The following TNKS1BP1 variants were observed in gnomAD, a reference collection of about 807,000 sequenced individuals.
TNKS1BP1 encodes the protein CCR4-NOT transcription complex subunit 12.
In TNKS1BP1, 48 loss-of-function variants were observed where a neutral mutation model predicts 141.1. The ratio of observed to expected loss-of-function variants is 0.34; its 90% CI spans 0.27 to 0.43. The LOEUF is 0.43. TNKS1BP1 is among the 20% of genes least tolerant of loss of function. The pLI, the probability that TNKS1BP1 is intolerant of heterozygous loss-of-function variation, is 1.00. For synonymous variants in TNKS1BP1, 875 were observed against 898.2 expected (o/e 0.97, Z 0.46); for missense variants, 2,149 against 2,226.0 (o/e 0.97, Z 0.70).
chr11:57,317,836 G>A lies in TNKS1BP1; in HGVS notation c.780C>T (p.Ser260=), dbSNP rs777460189. 1 of 1,613,978 alleles carries A rather than the reference G, an allele frequency of 6.2e-7. No homozygotes were observed. The highest frequency in any genetic ancestry group is 8.5e-7 in the Non-Finnish European group (1 of 1,179,868). The change falls in exon 4 of 12, where the codon AGC becomes AGT. Residue 260 remains serine, a synonymous_variant. Coordinates refer to ENST00000358252, the MANE Select transcript of TNKS1BP1 (RefSeq NM_033396.3). Reference sequence around the variant, plus strand: ...AACTCACATCAGCAGGTAGCTCCGAGCTGGCTGCCTTAGCCAGGTCCCCGT... The same window carrying A: ...AACTCACATCAGCAGGTAGCTCCGAACTGGCTGCCTTAGCCAGGTCCCCGT... ...AFNGDLAKAA[S]SELPADISKP... is the part of the protein sequence containing the mutation.
chr11:57,321,744 T>TGGGGC, intron 2 of TNKS1BP1, 48 bp downstream of exon 2: 4 of 1,039,816 alleles, frequency 3.8e-6, no homozygotes, highest in Non-Finnish European at 5.9e-6. Context: ...CCTCTGTCCT[T>TGGGGC]CCCACCCCCC....
intron 4 of TNKS1BP1, among the ~76,000 whole-genome samples, chr11:57,315,692 C>T (rs1855788259): frequency 6.6e-6 from 1 of 151,386 alleles, no homozygotes; most frequent in Non-Finnish European, 1.5e-5. Context: ...CAGCTGATGG[C>T]CTTGCTTCCT....
intron 4 of TNKS1BP1, among the ~76,000 whole-genome samples, chr11:57,316,497 A>G (rs1316824763): frequency 6.6e-6 from 1 of 150,832 alleles, no homozygotes; most frequent in Non-Finnish European, 1.5e-5. Flanking sequence ...CACAAAGCAA[A>G]CTCCTCCCAT....
chr11:57,318,649 G>A (rs1228860977), intron 3 of TNKS1BP1, among the ~76,000 whole-genome samples: 2 of 152,220 alleles, frequency 1.3e-5, no homozygotes, highest in African/African-American at 4.8e-5. Context: ...GGCTCTCCCA[G>A]CACTAAGGAC....
chr11:57,313,239 C>A lies in TNKS1BP1; in HGVS notation c.1449G>T (p.Arg483Ser), dbSNP rs964269142. ...GCCGCCACACGCCCAGACCCGAGGG[C>A]CTCGTGGGGAAGGTCCATTCGAAGG... ...SQSFEWTFPT[R>S]PSGLGVWRLD... is the part of the protein sequence containing the mutation. Residue 483 changes from arginine (R) to serine (S), a missense_variant, in exon 5 of 12, where the codon AGG (arginine) becomes AGT (serine). Physicochemically the swap from Arg to Ser is moderately radical, Grantham distance 110. Transcript: ENST00000358252. 5.0e-6 allele frequency: 8 copies of A among 1,612,712 alleles called. No individual in the cohort carries two copies. Among genetic ancestry groups the A allele is most frequent in the African/African-American group, 1.3e-5 (1 of 74,926 alleles).
chr11:57,316,214 T>C (rs943499326), intron 4 of TNKS1BP1, among the ~76,000 whole-genome samples: 3 of 152,194 alleles, frequency 2.0e-5, no homozygotes, highest in Non-Finnish European at 4.4e-5. Flanking sequence ...TGACAGCTGA[T>C]GGCGCCCTCC....
intron 3 of TNKS1BP1, 101 bp from the exon 4 acceptor site, chr11:57,317,988 A>G (rs1855823742): frequency 9.0e-7 from 1 of 1,115,338 alleles, no homozygotes; most frequent in Non-Finnish European, 1.3e-6. Context: ...AACAGCACCC[A>G]AAGGTTAAAC....
intron 10 of TNKS1BP1, 135 bp downstream of exon 10, chr11:57,300,749 T>C (rs376063606): frequency 2.0e-6 from 3 of 1,494,988 alleles, no homozygotes; most frequent in East Asian, 2.3e-5. Context: ...ACCATCTTCA[T>C]ACCGTTCATC....
intron 4 of TNKS1BP1, among the ~76,000 whole-genome samples, chr11:57,316,514 C>T (rs550969549): frequency 3.9e-5 from 6 of 152,202 alleles, no homozygotes; most frequent in Non-Finnish European, 7.3e-5. Context: ...CCATCTCCCC[C>T]GATCCTGCTT....
At chr11:57,321,744 T>TGCCTC in intron 2 of TNKS1BP1, 48 bp downstream of exon 2, 1 of 1,039,822 alleles carries the variant, frequency 9.6e-7, no homozygotes, top group Non-Finnish European at 1.5e-6. Flanking sequence ...CCTCTGTCCT[T>TGCCTC]CCCACCCCCC....
chr11:57,312,809 G>T lies in TNKS1BP1; in HGVS notation c.1879C>A (p.Pro627Thr), dbSNP rs1029904671. ...GCAAAGAGAACACAGGGCTGGTCAGGGGCTGCTGGCTGCTCCTGCCCCAGG... is the reference window on the plus strand; with the variant it reads ...GCAAAGAGAACACAGGGCTGGTCAGTGGCTGCTGGCTGCTCCTGCCCCAGG... ...PVLGQEQPAA[P>T]DQPCVLFADA... The change falls in exon 5 of 12, where the codon CCT (proline) becomes ACT (threonine). Residue 627 changes from proline to threonine, a missense_variant. By Grantham distance (38) the Pro-to-Thr change is conservative. Coordinates refer to ENST00000358252, the MANE Select transcript of TNKS1BP1 (RefSeq NM_033396.3). The T allele has an allele frequency of 6.2e-7, 1 of 1,612,158 alleles. No homozygotes were observed. Among genetic ancestry groups the T allele is most frequent in the East Asian group, 2.2e-5 (1 of 44,854 alleles).
In TNKS1BP1 at chr11:57,309,791, C is replaced by A; in HGVS notation, c.2920G>T (p.Asp974Tyr). ...AGGGGTCTCGTTCCAAAGCTTCTGTCCTGGGCGTCAAGGGTCCTGGAGCTG... is the reference window on the plus strand; with the variant it reads ...AGGGGTCTCGTTCCAAAGCTTCTGTACTGGGCGTCAAGGGTCCTGGAGCTG... ...GGSSRTLDAQ[D>Y]RSFGTRPLSS... The change falls in exon 6 of 12, where the codon GAC (aspartate) becomes TAC (tyrosine). Residue 974 changes from aspartate to tyrosine, a missense_variant. Asp to Tyr is a radical substitution (Grantham distance 160, BLOSUM62 -3). Coordinates refer to ENST00000358252, the MANE Select transcript of TNKS1BP1 (RefSeq NM_033396.3). This position sits in a 1 kb window ranked among gnomAD's most constrained non-coding sequence, Gnocchi z 4.3. 1.9e-6 allele frequency: 3 copies of A among 1,614,192 alleles called. No homozygotes were observed. The highest frequency in any genetic ancestry group is 2.5e-6 in the Non-Finnish European group (3 of 1,180,034).
chr11:57,320,168 G>T lies in TNKS1BP1; in HGVS notation c.639C>A (p.Gly213=). The T allele has an allele frequency of 6.2e-7, 1 of 1,614,156 alleles. No individual in the cohort carries two copies. Among genetic ancestry groups the T allele is most frequent in the Non-Finnish European group, 8.5e-7 (1 of 1,180,030 alleles). ...GTTTAPRDED[G]STLFRGWSQE... is the part of the protein sequence containing the mutation. ...GGGACCATCCCCTGAAGAGGGTGCT[G>T]CCATCCTCATCCCTGGGAGCAGTGG... Residue 213 remains glycine (G), a synonymous_variant, in exon 3 of 12, where the codon GGC becomes GGA. Transcript: ENST00000358252.
Position 57,317,834 on chromosome 11 carries a change from GAGCTGGCTGCCTT to G in TNKS1BP1, c.769_781del (p.Lys257ArgfsTer74). On this transcript the variant is annotated frameshift_variant, in exon 4 of 12. Coordinates refer to ENST00000358252, the MANE Select transcript of TNKS1BP1 (RefSeq NM_033396.3). LOFTEE classifies it high-confidence loss of function. ...ATAACTCACATCAGCAGGTAGCTCC[GAGCTGGCTGCCTT>G]AGCCAGGTCCCCGTTGAAGGCCAGG... is the stretch of plus-strand genomic sequence containing the variant. 6.2e-7 allele frequency: 1 copy of G among 1,613,900 alleles called. No homozygotes were observed. The highest frequency in any genetic ancestry group is 8.5e-7 in the Non-Finnish European group (1 of 1,179,852).
At chr11:57,312,147 G>C (rs1334407260) in intron 5 of TNKS1BP1, among the ~76,000 whole-genome samples, 2 of 152,138 alleles carry the variant, frequency 1.3e-5, no homozygotes, top group African/African-American at 4.8e-5. Flanking sequence ...ATTTTGCCTT[G>C]AACGATATTC....
chr11:57,324,516 A>G (rs12800023), intron 1 of TNKS1BP1, among the ~76,000 whole-genome samples: 137,614 of 142,010 alleles, frequency 0.97, 66,859 homozygotes, highest in East Asian at 1. Flanking sequence ...CGCGGCCCGG[A>G]GGAAGGGGAG....
At chr11:57,303,932 A>T (rs986281317) in intron 6 of TNKS1BP1, among the ~76,000 whole-genome samples, 5 of 151,786 alleles carry the variant, frequency 3.3e-5, no homozygotes, top group African/African-American at 7.3e-5. Flanking sequence ...TCTCTCACTA[A>T]CTCATACTGC....
intron 4 of TNKS1BP1, among the ~76,000 whole-genome samples, chr11:57,316,139 G>A (rs1000966195): frequency 1.3e-5 from 2 of 152,064 alleles, no homozygotes; most frequent in Non-Finnish European, 2.9e-5. Flanking sequence ...TCAAGGTCAC[G>A]GATGACCTCC....
rs770773476 is a variant in TNKS1BP1 at position 57,317,883 on chromosome 11, G to A, written c.733C>T (p.Leu245Phe). The change falls in exon 4 of 12, where the codon CTT becomes TTT. Residue 245 changes from leucine (L) to phenylalanine (F), a missense_variant. Physicochemically the swap from Leu to Phe is conservative, Grantham distance 22 (BLOSUM62 0). Coordinates refer to ENST00000358252, the MANE Select transcript of TNKS1BP1 (RefSeq NM_033396.3). ...CCGTTGAAGGCCAGGTCGGAAGGAAGGCTCCTGTGAGGGACGAGGACAGGA... is the reference window on the plus strand; with the variant it reads ...CCGTTGAAGGCCAGGTCGGAAGGAAAGCTCCTGTGAGGGACGAGGACAGGA... ...EHSKTPEERS[L>F]PSDLAFNGDL... 4.3e-6 allele frequency: 7 copies of A among 1,613,840 alleles called. No homozygotes were observed. In the East Asian group the frequency reaches 1.6e-4, roughly 36 times the overall value.
Sources: gnomAD v4.1 joint callset for allele counts (sites outside exome capture counted in the v4.1 genomes callset) on GRCh38, gnomAD v4.1.1 for gene constraint, Gnocchi (gnomAD v3.1) non-coding constraint, MANE v1.5 for transcripts, NCBI Gene and HGNC (gene_info 2026-07-23, HGNC 2026-07-21) for gene names.